BOC: variants seen among roughly 807,000 people sequenced by gnomAD.
BOC encodes BOC cell adhesion associated, oncogene regulated.
A neutral mutation model predicts 112.0 loss-of-function variants in BOC; 76 were observed. The ratio of observed to expected loss-of-function variants is 0.68; its 90% CI spans 0.56 to 0.82. The LOEUF is 0.82. Ranked by LOEUF, BOC falls within the 40% of genes least tolerant of loss-of-function variation. The pLI is 0.00. For missense variants in BOC, 1,309 were observed against 1,511.7 expected, an observed-to-expected ratio of 0.87 and a Z score of 2.22; for synonymous variants, 580 against 599.8, an observed-to-expected ratio of 0.97 and a Z score of 0.48.
chr3:113,271,928 A>ATT (rs1411496069), intron 6 of BOC: 1 of 181,348 alleles, frequency 5.5e-6, no homozygotes, highest in East Asian at 1.3e-4. Flanking sequence ...AGTGGATTCC[A>ATT]TTCAGCTCAG....
chr3:113,254,442 G>A (rs572112951), intron 4 of BOC, among the ~76,000 whole-genome samples: 2 of 152,266 alleles, frequency 1.3e-5, no homozygotes, highest in East Asian at 3.9e-4. Context: ...TGCTGTCTTT[G>A]GGTTAATGCC....
At chr3:113,285,922 A>C (rs968236989) in intron 19 of BOC, among the ~76,000 whole-genome samples, 1 of 152,224 alleles carries the variant, frequency 6.6e-6, no homozygotes, top group East Asian at 1.9e-4. Flanking sequence ...GGCATTCTCT[A>C]ATCACTCTGA....
intron 4 of BOC, among the ~76,000 whole-genome samples, chr3:113,264,646 C>A (rs1559859158): frequency 6.6e-6 from 1 of 152,180 alleles, no homozygotes; most frequent in African/African-American, 2.4e-5. Flanking sequence ...ATGAACTCCC[C>A]ACCCCTCCCT....
At chr3:113,271,028 A>G (rs1308972252) in intron 6 of BOC, 84 bp downstream of exon 6, 1 of 1,583,646 alleles carries the variant, frequency 6.3e-7, no homozygotes, top group Non-Finnish European at 8.6e-7. Flanking sequence ...AGATACCTGG[A>G]GGTGCCACAT....
At chr3:113,264,450 C>T (rs1202434282) in intron 4 of BOC, among the ~76,000 whole-genome samples, 2 of 152,202 alleles carry the variant, frequency 1.3e-5, no homozygotes, top group African/African-American at 2.4e-5. Context: ...CCTGCTAACC[C>T]TATTTGTAAT....
intron 2 of BOC, among the ~76,000 whole-genome samples, chr3:113,225,494 T>G (rs1941516517): frequency 6.6e-6 from 1 of 152,186 alleles, no homozygotes; most frequent in Non-Finnish European, 1.5e-5. Flanking sequence ...CTGGTTTTCT[T>G]TTCTTCATCT....
intron 2 of BOC, among the ~76,000 whole-genome samples, chr3:113,234,644 G>T (rs1284466792): frequency 1.3e-5 from 2 of 152,170 alleles, no homozygotes; most frequent in African/African-American, 4.8e-5. Context: ...ACAGTGTGTG[G>T]CACCTAGAGG....
intron 4 of BOC, among the ~76,000 whole-genome samples, chr3:113,262,991 C>T (rs1343127038): frequency 2.0e-5 from 3 of 152,212 alleles, no homozygotes; most frequent in Non-Finnish European, 2.9e-5. Flanking sequence ...TCCTGCACCT[C>T]GGGTGTCTCT....
rs1182498109 is a variant in BOC at position 113,280,558 on chromosome 3, T to TACATCCCAGCAAGTA, written c.2210_2224dup (p.Ile737_Asn741dup). ...CTTGTTTCTTCTCCATTCCCTATAG[T>TACATCCCAGCAAGTA]ACATCCCAGCAAGTAACAACAACAC... On this transcript the variant is annotated inframe_insertion and splice_region_variant, in exon 14 of 20. Transcript: ENST00000682979. 1 of 1,597,380 alleles carries TACATCCCAGCAAGTA rather than the reference T, an allele frequency of 6.3e-7. No individual in the cohort carries two copies. Among genetic ancestry groups the TACATCCCAGCAAGTA allele is most frequent in the Non-Finnish European group, 8.6e-7 (1 of 1,164,734 alleles).
At chr3:113,260,721 A>ACAGAACAGAACAGAAAGAAC (rs1553737946) in intron 4 of BOC, among the ~76,000 whole-genome samples, 1 of 92,222 alleles carries the variant, frequency 1.1e-5, no homozygotes, top group Admixed American at 1.1e-4. Context: ...ACAGAACAGA[A>ACAGAACAGAACAGAAAGAAC]AGAACAGAAC....
At chr3:113,272,833 C>T in intron 7 of BOC, 130 bp downstream of exon 7, 2 of 1,210,946 alleles carry the variant, frequency 1.7e-6, no homozygotes, top group South Asian at 1.5e-5. Flanking sequence ...GAGGAACAGG[C>T]ATGCTGAAGA....
At position 113,273,108 on chromosome 3, in the gene BOC, TC is replaced by T; in HGVS notation, c.1005del (p.Trp336GlyfsTer22). The T allele has an allele frequency of 6.2e-7, 1 of 1,610,010 alleles. No homozygotes were observed. Among genetic ancestry groups the T allele is most frequent in the Non-Finnish European group, 8.5e-7 (1 of 1,176,772 alleles). Reference sequence around the variant, plus strand: ...ACCATGGAGCTATCCCAGCTGGTCATCCCCTGGGGCCAGAGTGCCAAGCTTA... The same window carrying T: ...ACCATGGAGCTATCCCAGCTGGTCATCCCTGGGGCCAGAGTGCCAAGCTTA... ...EVTMELSQLVIPWGQSAKLTC... is the reference protein window; with the variant it reads ...EVTMELSQLVXPWGQSAKLTC... On this transcript the variant is annotated frameshift_variant, in exon 8 of 20. Coordinates refer to ENST00000682979, the MANE Select transcript of BOC (RefSeq NM_001378074.1). LOFTEE classifies it high-confidence loss of function.
rs750201681 is a variant in BOC, at chr3:113,286,760, C to A, written c.3246C>A (p.Pro1082=). 12 of 1,613,756 alleles carry A rather than the reference C, an allele frequency of 7.4e-6. No homozygotes were observed. In the South Asian group the frequency reaches 1.2e-4, roughly 16 times the overall value. Residue 1082 remains proline, a synonymous_variant, in exon 20 of 20, where the codon CCC becomes CCA. Coordinates refer to ENST00000682979, the MANE Select transcript of BOC (RefSeq NM_001378074.1). The part of the protein sequence containing the change: ...SCQVSGGDWC[P]QHPVGAYVGQ... The stretch of plus-strand genomic sequence containing the variant: ...AAGTGAGTGGAGGAGACTGGTGTCC[C>A]CAGCACCCCGTAGGGGCCTACGTAG...
intron 15 of BOC, 40 bp from the exon 16 acceptor site, chr3:113,283,371 A>T: frequency 1.3e-6 from 2 of 1,533,792 alleles, no homozygotes; most frequent in Non-Finnish European, 1.8e-6. Flanking sequence ...GGAAATATCA[A>T]AGAAACATAT....
chr3:113,261,494 A>G (rs893530106), intron 4 of BOC, among the ~76,000 whole-genome samples: 2 of 152,178 alleles, frequency 1.3e-5, no homozygotes, highest in African/African-American at 2.4e-5. Flanking sequence ...GCGGCCCTGA[A>G]GTCGGGTAGA....
intron 17 of BOC, 60 bp from the exon 18 acceptor site, chr3:113,284,722 G>A: frequency 6.4e-7 from 1 of 1,551,104 alleles, no homozygotes; most frequent in Non-Finnish European, 8.9e-7. Context: ...GTTGAGTGAA[G>A]ACTGGAAAGT....
At chr3:113,243,699 A>G (rs1576391608) in intron 2 of BOC, among the ~76,000 whole-genome samples, 2 of 152,284 alleles carry the variant, frequency 1.3e-5, no homozygotes, top group Admixed American at 1.3e-4. Context: ...CCACCAAGTC[A>G]GTATCACCTT....
chr3:113,240,450 G>C (rs2107806118), intron 2 of BOC, among the ~76,000 whole-genome samples: 1 of 152,280 alleles, frequency 6.6e-6, no homozygotes, highest in East Asian at 1.9e-4. Context: ...CCCCAACCCT[G>C]ACTGTAGTTG....
intron 6 of BOC, chr3:113,271,768 TAG>T (rs1343204481): frequency 6.0e-6 from 1 of 165,560 alleles, no homozygotes; most frequent in African/African-American, 2.4e-5. Context: ...CGGCACACAT[TAG>T]AGAGTAAACA....
Sources: gnomAD v4.1 joint callset for allele counts (sites outside exome capture counted in the v4.1 genomes callset) on GRCh38, gnomAD v4.1.1 for gene constraint, MANE v1.5 for transcripts, NCBI Gene and HGNC (gene_info 2026-07-23, HGNC 2026-07-21) for gene names.